Variants in HPSE2 observed in about 807,000 individuals in gnomAD.
The protein encoded by HPSE2 is inactive heparanase-2.
In HPSE2, 38 loss-of-function variants were observed where a neutral mutation model predicts 60.5. The ratio of observed to expected loss-of-function variants is 0.63; its 90% CI spans 0.48 to 0.82. The LOEUF (loss-of-function observed/expected upper bound fraction) is 0.82. Ranked by LOEUF, HPSE2 falls within the 40% of genes least tolerant of loss-of-function variation. HPSE2 has a pLI of 0.00. For missense variants in HPSE2, 713 were observed against 740.4 expected, an observed-to-expected ratio of 0.96 and a Z score of 0.43; for synonymous variants, 295 against 293.2, an observed-to-expected ratio of 1.01 and a Z score of -0.06.
the HPSE2 span, among the ~76,000 whole-genome samples, chr10:99,259,280 T>C: frequency 7.4e-6 from 1 of 135,282 alleles, no homozygotes; most frequent in South Asian, 2.4e-4. Flanking sequence ...CACTCCAGCC[T>C]GGGCAACAAG....
chr10:99,101,920 T>A (rs1308856933), intron 3 of HPSE2, among the ~76,000 whole-genome samples: 2 of 152,226 alleles, frequency 1.3e-5, no homozygotes, highest in Non-Finnish European at 2.9e-5. Context: ...GAAATGAAGA[T>A]GTTCTTTGAA....
intron 9 of HPSE2, among the ~76,000 whole-genome samples, chr10:98,504,651 G>A (rs183415424): frequency 1.6e-4 from 25 of 152,258 alleles, no homozygotes; most frequent in Admixed American, 5.9e-4. Flanking sequence ...TTAGCTGGGC[G>A]TGGTGGCAAG....
the HPSE2 span, among the ~76,000 whole-genome samples, chr10:99,255,787 C>A: frequency 6.6e-6 from 1 of 152,182 alleles, no homozygotes; most frequent in Admixed American, 6.5e-5. Flanking sequence ...GAACATGCCT[C>A]CACCTTCACA....
intron 3 of HPSE2, chr10:99,048,301 GA>G: frequency 4.8e-6 from 2 of 413,796 alleles, no homozygotes; most frequent in Admixed American, 3.4e-5. Flanking sequence ...GTGGAATGAA[GA>G]AAAAGACCAC....
chr10:98,706,255 A>T (rs1290098318), intron 5 of HPSE2, among the ~76,000 whole-genome samples: 2 of 152,200 alleles, frequency 1.3e-5, no homozygotes, highest in Non-Finnish European at 2.9e-5. Context: ...AAACTCTAAG[A>T]TACAAAAAAT....
intron 3 of HPSE2, among the ~76,000 whole-genome samples, chr10:98,882,773 A>C (rs1307086379): frequency 6.6e-6 from 1 of 151,938 alleles, no homozygotes; most frequent in Non-Finnish European, 1.5e-5. Flanking sequence ...GAAGTTCAGA[A>C]CAATGACTGT....
chr10:98,546,337 C>A (rs1943672863), intron 9 of HPSE2, among the ~76,000 whole-genome samples: 1 of 138,050 alleles, frequency 7.2e-6, no homozygotes, highest in Non-Finnish European at 1.6e-5. Flanking sequence ...AAAGAGCCTG[C>A]ATCGCCAAGT....
the HPSE2 span, among the ~76,000 whole-genome samples, chr10:99,292,279 C>T: frequency 1.3e-5 from 2 of 152,164 alleles, no homozygotes; most frequent in African/African-American, 4.8e-5. Flanking sequence ...AAATTTGCAC[C>T]AGAAAGCATT....
chr10:99,284,960 C>T, the HPSE2 span, among the ~76,000 whole-genome samples: 3 of 152,074 alleles, frequency 2.0e-5, no homozygotes, highest in Non-Finnish European at 2.9e-5. Context: ...ATCTGCAAAC[C>T]ACTTAAGTAA....
At chr10:98,823,806 CAAT>C (rs1951479118) in intron 3 of HPSE2, among the ~76,000 whole-genome samples, 1 of 152,054 alleles carries the variant, frequency 6.6e-6, no homozygotes, top group Non-Finnish European at 1.5e-5. Flanking sequence ...ATACCTCTAA[CAAT>C]AACCTTTAGA....
Position 98,832,507 on chromosome 10 carries a change from T to A in HPSE2, c.611-88451A>T, listed in dbSNP as rs563058885. ...AATAAACTGCAAGATCTGGGTTCAA[T>A]CTTGAAATGTTAAGGGTTTAGATAA... On this transcript the variant is annotated intron_variant, in intron 3 of 11. Coordinates refer to ENST00000370552, the MANE Select transcript of HPSE2 (RefSeq NM_021828.5). Among the ~76,000 whole-genome samples the A allele has an allele frequency of 4.6e-5, 7 of 152,304 alleles. No individual in the cohort carries two copies. The South Asian group carries it at 1.2e-3, about 27-fold the overall frequency.
chr10:98,947,447 G>A (rs1955220437), intron 3 of HPSE2, among the ~76,000 whole-genome samples: 1 of 152,182 alleles, frequency 6.6e-6, no homozygotes, highest in Non-Finnish European at 1.5e-5. Context: ...AGAAGGAGAT[G>A]TGGCTTTTAA....
intron 3 of HPSE2, among the ~76,000 whole-genome samples, chr10:98,861,665 A>G (rs1278197857): frequency 1.3e-5 from 2 of 152,208 alleles, no homozygotes; most frequent in East Asian, 1.9e-4. Flanking sequence ...ATAATGTGTA[A>G]TAAATTTTGA....
In HPSE2 at chr10:99,101,336, A is replaced by G. The variant is rs545624656; in HGVS notation, c.610+42902T>C. Among the ~76,000 whole-genome samples, 29 of 152,332 alleles carry G rather than the reference A, an allele frequency of 1.9e-4. No homozygotes were observed. The South Asian group carries it at 5.8e-3, about 30-fold the overall frequency. Reference sequence around the variant, plus strand: ...AAAACAAAAAAAGGCAGGGGTTGCAATCCTAGTCTCTCATAAAACAGACTT... The same window carrying G: ...AAAACAAAAAAAGGCAGGGGTTGCAGTCCTAGTCTCTCATAAAACAGACTT... On this transcript the variant is annotated intron_variant, in intron 3 of 11. Transcript: ENST00000370552.
intron 4 of HPSE2, among the ~76,000 whole-genome samples, chr10:98,734,733 G>A (rs1161875701): frequency 3.9e-5 from 6 of 151,942 alleles, no homozygotes; most frequent in Non-Finnish European, 8.8e-5. Context: ...AGTGAAACAA[G>A]ACAGCAAATG....
At chr10:98,554,207 A>G (rs1048417372) in intron 9 of HPSE2, among the ~76,000 whole-genome samples, 1 of 152,126 alleles carries the variant, frequency 6.6e-6, no homozygotes, top group African/African-American at 2.4e-5. Flanking sequence ...TCCTCTCCAT[A>G]GGCTTCCAGC....
intron 3 of HPSE2, among the ~76,000 whole-genome samples, chr10:99,074,129 G>A (rs1022333957): frequency 6.6e-6 from 1 of 151,998 alleles, no homozygotes; most frequent in Admixed American, 6.6e-5. Context: ...ATTATGCCTT[G>A]TTCCCAATCC....
intron 3 of HPSE2, among the ~76,000 whole-genome samples, chr10:98,987,022 G>A (rs1286266305): frequency 6.6e-6 from 1 of 152,050 alleles, no homozygotes; most frequent in Non-Finnish European, 1.5e-5. Context: ...ACCAAAAAAA[G>A]TCCAGGACCA....
chr10:99,004,109 C>T (rs570052886), intron 3 of HPSE2, among the ~76,000 whole-genome samples: 4 of 152,098 alleles, frequency 2.6e-5, no homozygotes, highest in Admixed American at 6.6e-5. Flanking sequence ...CTTTTTCCAT[C>T]GCTTCACTTT....
Sources: allele counts gnomAD v4.1 joint callset (sites outside exome capture counted in the v4.1 genomes callset), GRCh38; gene constraint gnomAD v4.1.1; transcripts MANE v1.5; gene names NCBI Gene and HGNC (gene_info 2026-07-23, HGNC 2026-07-21).